Variants in EDIL3 observed in about 807,000 individuals in gnomAD.
The protein encoded by EDIL3 is EGF like and discoidin domains 3.
In EDIL3, 37 loss-of-function variants were observed where a neutral mutation model predicts 67.4. The observed-to-expected ratio is 0.55, with a 90% CI of 0.42 to 0.72. The LOEUF (loss-of-function observed/expected upper bound fraction) is 0.72. EDIL3 is among the 30% of genes least tolerant of loss of function. The pLI, the probability that EDIL3 is intolerant of heterozygous loss-of-function variation, is 0.00. For missense variants in EDIL3, 527 were observed against 586.3 expected (o/e 0.90, Z 1.04); for synonymous variants, 195 against 196.3 (o/e 0.99, Z 0.05).
At chr5:84,316,539 CA>C (rs1410848450) in intron 1 of EDIL3, among the ~76,000 whole-genome samples, 1 of 152,128 alleles carries the variant, frequency 6.6e-6, no homozygotes, top group African/African-American at 2.4e-5. Context: ...GTAAAGGGAT[CA>C]ATGCAACAAG....
intron 9 of EDIL3, among the ~76,000 whole-genome samples, chr5:83,985,091 A>C (rs996203865): frequency 6.6e-6 from 1 of 151,944 alleles, no homozygotes; most frequent in Non-Finnish European, 1.5e-5. Context: ...TCCAGCCTAA[A>C]TAAAAGGAAA....
intron 9 of EDIL3, among the ~76,000 whole-genome samples, chr5:84,021,653 T>C (rs59704403): frequency 0.19 from 29,038 of 151,946 alleles, 3,110 homozygotes; most frequent in South Asian, 0.26. Flanking sequence ...TATGCGCTGA[T>C]GAGAACGTTG....
intron 1 of EDIL3, among the ~76,000 whole-genome samples, chr5:84,282,493 A>G (rs913058330): frequency 1.3e-5 from 2 of 152,176 alleles, no homozygotes; most frequent in Admixed American, 6.5e-5. Context: ...TAAATCTACC[A>G]TAATTTATTT....
chr5:84,378,127 C>G (rs1043447861), intron 1 of EDIL3, among the ~76,000 whole-genome samples: 2 of 152,160 alleles, frequency 1.3e-5, no homozygotes, highest in Admixed American at 6.5e-5. Flanking sequence ...AAAATACCAA[C>G]ATTTTATTTG....
At chr5:84,309,991 G>T (rs1319747304) in intron 1 of EDIL3, among the ~76,000 whole-genome samples, 1 of 152,048 alleles carries the variant, frequency 6.6e-6, no homozygotes, top group Non-Finnish European at 1.5e-5. Flanking sequence ...CTCCACATCA[G>T]TTTCACTCCA....
chr5:84,086,970 T>TA (rs544035342), intron 6 of EDIL3, among the ~76,000 whole-genome samples: 2 of 151,358 alleles, frequency 1.3e-5, no homozygotes, highest in African/African-American at 2.4e-5. Context: ...TACTCTCTGT[T>TA]AAAAAAAAAT....
chr5:84,375,928 T>G (rs2112218131), intron 1 of EDIL3, among the ~76,000 whole-genome samples: 1 of 152,328 alleles, frequency 6.6e-6, no homozygotes, highest in Non-Finnish European at 1.5e-5. Flanking sequence ...AGAATAAGTA[T>G]AATTTAATCC....
intron 3 of EDIL3, among the ~76,000 whole-genome samples, chr5:84,206,524 G>A (rs1743982923): frequency 1.3e-5 from 2 of 152,008 alleles, no homozygotes; most frequent in African/African-American, 4.8e-5. Context: ...GAAAAAGAGG[G>A]AATCCTCCCT....
At chr5:83,995,844 T>C (rs145196287) in intron 9 of EDIL3, among the ~76,000 whole-genome samples, 5 of 152,334 alleles carry the variant, frequency 3.3e-5, no homozygotes, top group African/African-American at 1.2e-4. Flanking sequence ...TAAGCAAGGC[T>C]CTGAATCTGA....
intron 1 of EDIL3, among the ~76,000 whole-genome samples, chr5:84,281,374 A>G (rs1022788405): frequency 9.9e-5 from 15 of 152,184 alleles, no homozygotes; most frequent in African/African-American, 3.4e-4. Context: ...TTATTCATTT[A>G]CCTTTTGAAT....
chr5:83,988,584 C>A (rs1017863137), intron 9 of EDIL3, among the ~76,000 whole-genome samples: 3 of 152,028 alleles, frequency 2.0e-5, no homozygotes, highest in African/African-American at 7.2e-5. Flanking sequence ...CTGGGTATTC[C>A]TGGAAAATCC....
At chr5:84,131,634 A>G (rs573923520) in intron 5 of EDIL3, among the ~76,000 whole-genome samples, 1 of 152,316 alleles carries the variant, frequency 6.6e-6, no homozygotes, top group African/African-American at 2.4e-5. Flanking sequence ...AGTAGTAAAG[A>G]GTATCTAGTA....
chr5:84,257,833 G>T (rs1369775141), intron 1 of EDIL3, among the ~76,000 whole-genome samples: 1 of 152,106 alleles, frequency 6.6e-6, no homozygotes, highest in Non-Finnish European at 1.5e-5. Flanking sequence ...GAGTGGAGGG[G>T]ATGAGAGCAA....
chr5:84,069,173 T>A (rs1746692403), intron 6 of EDIL3, among the ~76,000 whole-genome samples: 1 of 152,194 alleles, frequency 6.6e-6, no homozygotes, highest in African/African-American at 2.4e-5. Context: ...ATGTATCTGA[T>A]TTCAGAGAAA....
intron 5 of EDIL3, among the ~76,000 whole-genome samples, chr5:84,119,028 T>C (rs903364431): frequency 2.0e-5 from 3 of 152,220 alleles, no homozygotes; most frequent in African/African-American, 2.4e-5. Context: ...TAGCACATAG[T>C]AAATTATATG....
At chr5:84,105,921 C>T (rs1050594938) in intron 6 of EDIL3, among the ~76,000 whole-genome samples, 1 of 152,028 alleles carries the variant, frequency 6.6e-6, no homozygotes, top group Non-Finnish European at 1.5e-5. Context: ...AATTCTTCCT[C>T]CCTTTAGTAC....
intron 2 of EDIL3, among the ~76,000 whole-genome samples, chr5:84,237,034 G>A (rs1321049269): frequency 3.9e-5 from 6 of 151,916 alleles, no homozygotes; most frequent in Admixed American, 1.3e-4. Context: ...CCATGAAGCC[G>A]AGGCTACCAG....
intron 4 of EDIL3, among the ~76,000 whole-genome samples, chr5:84,138,275 T>C (rs1748128895): frequency 6.6e-6 from 1 of 152,202 alleles, no homozygotes; most frequent in Non-Finnish European, 1.5e-5. Context: ...GTTGTTGTTG[T>C]TTTTAACTGT....
intron 1 of EDIL3, among the ~76,000 whole-genome samples, chr5:84,378,026 A>T (rs1748002151): frequency 6.6e-6 from 1 of 152,200 alleles, no homozygotes; most frequent in Non-Finnish European, 1.5e-5. Context: ...ATTGCAGGAC[A>T]TTTTATCTAC....
Sources: allele counts gnomAD v4.1 joint callset (sites outside exome capture counted in the v4.1 genomes callset), GRCh38; gene constraint gnomAD v4.1.1; transcripts MANE v1.5; gene names NCBI Gene and HGNC (gene_info 2026-07-23, HGNC 2026-07-21).